The following RNF146 variants were observed in gnomAD, a reference collection of about 807,000 sequenced individuals.
RNF146 encodes the protein ring finger protein 146.
RNF146 carries 11 observed loss-of-function variants against 29.7 expected under a neutral mutation model. That is an observed-to-expected ratio of 0.37 (90% CI 0.23 to 0.61). RNF146 has a LOEUF of 0.61. RNF146 is among the 20% of genes least tolerant of loss of function. The pLI is 0.66. For missense variants in RNF146, 342 were observed against 438.9 expected, an observed-to-expected ratio of 0.78 and a Z score of 1.97; for synonymous variants, 150 against 159.7, an observed-to-expected ratio of 0.94 and a Z score of 0.46.
chr6:127,282,158 G>C (rs981298374), intron 2 of RNF146: 5 of 151,742 alleles, frequency 3.3e-5, no homozygotes, highest in African/African-American at 9.7e-5. Context: ...TTGTCACTTA[G>C]AGTAACTTGC....
At chr6:127,281,993 T>G (rs1354084896) in intron 2 of RNF146, among the ~76,000 whole-genome samples, 1 of 151,550 alleles carries the variant, frequency 6.6e-6, no homozygotes, top group Non-Finnish European at 1.5e-5. Context: ...GAGGGAGAAG[T>G]TTTATGATAG....
intron 1 of RNF146, among the ~76,000 whole-genome samples, chr6:127,278,794 C>T (rs969263624): frequency 6.6e-6 from 1 of 151,988 alleles, no homozygotes; most frequent in Non-Finnish European, 1.5e-5. Flanking sequence ...TATTTTTCTA[C>T]ATCCTCACCA....
intron 1 of RNF146, among the ~76,000 whole-genome samples, chr6:127,268,209 C>T (rs1363027338): frequency 6.6e-6 from 1 of 152,160 alleles, no homozygotes; most frequent in Non-Finnish European, 1.5e-5. Flanking sequence ...ACATCCCCCC[C>T]ACCTCGTGTG....
In RNF146 at chr6:127,287,454, C is replaced by T. The variant is rs775124641; in HGVS notation, c.841C>T (p.Pro281Ser). 58 of 1,613,440 alleles carry T rather than the reference C, an allele frequency of 3.6e-5. No homozygotes were observed. Among genetic ancestry groups the T allele is most frequent in the Non-Finnish European group, 4.9e-5 (58 of 1,179,628 alleles). ...ACCATCTTCAGGCAGGGTACCAGCACCAGACACCTCCATTGAAGAAACTGA... is the reference window on the plus strand; with the variant it reads ...ACCATCTTCAGGCAGGGTACCAGCATCAGACACCTCCATTGAAGAAACTGA... ...ESPSSGRVPA[P>S]DTSIEETESD... is the part of the protein sequence containing the mutation. The change falls in exon 3 of 3, where the codon CCA becomes TCA. Residue 281 changes from proline to serine, a missense_variant. Physicochemically the swap from Pro to Ser is moderately conservative, Grantham distance 74 (BLOSUM62 -1). Coordinates refer to ENST00000368314, the MANE Select transcript of RNF146 (RefSeq NM_001242850.2).
At chr6:127,285,851 TG>T (rs1779444866) in intron 2 of RNF146, among the ~76,000 whole-genome samples, 1 of 152,040 alleles carries the variant, frequency 6.6e-6, no homozygotes, top group South Asian at 2.1e-4. Context: ...ATTATCTGCA[TG>T]TATGTTTCCT....
intron 1 of RNF146, among the ~76,000 whole-genome samples, chr6:127,278,888 C>T (rs1778584570): frequency 6.6e-6 from 1 of 151,924 alleles, no homozygotes; most frequent in South Asian, 2.1e-4. Flanking sequence ...TCCCTAATTA[C>T]TAATAATGTT....
chr6:127,286,060 A>G lies in RNF146; in HGVS notation c.3-556A>G, dbSNP rs985664817. 1.7e-5 allele frequency: 21 copies of G among 1,228,886 alleles called. No individual in the cohort carries two copies. Among genetic ancestry groups the G allele is most frequent in the East Asian group, 9.5e-5 (3 of 31,542 alleles). The allele number at this position is 1,228,886 out of a possible 1,614,324, so 76.1% of individuals were successfully genotyped here. A position where few individuals can be genotyped will look rare whatever the true frequency, so the allele number is the denominator to read the frequency against. On this transcript the variant is annotated intron_variant, in intron 2 of 2. Transcript: ENST00000368314. The surrounding 1 kb of genome is among the most constrained non-coding windows in gnomAD (Gnocchi z 4.6). ...CTTCTTCCTCTTCAGGGGATCTTCA[A>G]TATTCATGTTATTTTCTCCTTTGGT...
rs1778761506 is a variant in RNF146 at position 127,280,302 on chromosome 6, AT to A, written c.-32del. The A allele has an allele frequency of 6.5e-7, 1 of 1,546,722 alleles. No homozygotes were observed. Among genetic ancestry groups the A allele is most frequent in the South Asian group, 1.2e-5 (1 of 83,894 alleles). On this transcript the variant is annotated 5_prime_UTR_variant, in exon 2 of 3. It removes the in-frame stop codon of an upstream open reading frame in the 5' UTR. Transcript: ENST00000368314. ...TGACTGCTGGTGAAGAAAATGCTTT[AT>A]TTTTGTGGCAGGCATCTGTGGGATC... is the stretch of plus-strand genomic sequence containing the variant.
At position 127,275,351 on chromosome 6, in the gene RNF146, C is replaced by G. The variant is rs796081295; in HGVS notation, c.-108-4880C>G. ...AAGTTATATAAAGCAAGGATTAGAA[C>G]TTAGATATTTTTATGTATCTTACAG... On this transcript the variant is annotated intron_variant, in intron 1 of 2. Transcript: ENST00000368314. 6.6e-4 allele frequency among the ~76,000 whole-genome samples: 100 copies of G among 152,184 alleles called. 1 individual carries two copies. The highest frequency in any genetic ancestry group is 2.3e-3 in the African/African-American group (97 of 41,532).
chr6:127,267,411 G>A (rs1055577785), intron 1 of RNF146, among the ~76,000 whole-genome samples: 2 of 152,178 alleles, frequency 1.3e-5, no homozygotes, highest in Non-Finnish European at 2.9e-5. Flanking sequence ...CCTTTACCCG[G>A]GGACCTTCTG....
Position 127,288,056 on chromosome 6 carries a change from A to G in RNF146, c.*363A>G, listed in dbSNP as rs945089400. ...GTCTTATTTTTCTGCATGGATTGGC[A>G]TAAGACCATTACTAAAATTTGGCAC... is the stretch of plus-strand genomic sequence containing the variant. On this transcript the variant is annotated 3_prime_UTR_variant, in exon 3 of 3. Transcript: ENST00000368314. 5.8e-6 allele frequency: 1 copy of G among 173,908 alleles called. No homozygotes were observed. The allele number at this position is 173,908 out of a possible 1,614,324, so 10.8% of individuals were successfully genotyped here.
chr6:127,274,183 G>A (rs1777879349), intron 1 of RNF146, among the ~76,000 whole-genome samples: 2 of 152,008 alleles, frequency 1.3e-5, no homozygotes, highest in South Asian at 4.1e-4. Flanking sequence ...TTTTTTTTTA[G>A]TACCTTTGTT....
chr6:127,278,119 A>G (rs566686136), intron 1 of RNF146, among the ~76,000 whole-genome samples: 1 of 152,160 alleles, frequency 6.6e-6, no homozygotes, highest in African/African-American at 2.4e-5. Context: ...TTCTTTAGTT[A>G]TCATGTGTTC....
Position 127,286,836 on chromosome 6 carries a change from C to T in RNF146, c.223C>T (p.Arg75Ter). 1 of 1,613,078 alleles carries T rather than the reference C, an allele frequency of 6.2e-7. No individual in the cohort carries two copies. Among genetic ancestry groups the T allele is most frequent in the East Asian group, 2.2e-5 (1 of 44,828 alleles). ...SWLGKRCALCRQEIPEDFLDK... is the reference protein window; with the variant it reads ...SWLGKRCALC The stretch of plus-strand genomic sequence containing the variant: ...GCTTGGAAAGCGGTGTGCTCTTTGT[C>T]GACAAGAAATTCCCGAGGATTTCCT... Residue 75 changes from arginine (R) to a stop codon, truncating the protein, a stop_gained, in exon 3 of 3, where the codon CGA becomes TGA. Transcript: ENST00000368314. LOFTEE classifies it high-confidence loss of function. This position sits in a 1 kb window ranked among gnomAD's most constrained non-coding sequence, Gnocchi z 4.6.
At chr6:127,280,132 T>C in intron 1 of RNF146, 99 bp from the exon 2 acceptor site, 1 of 547,866 alleles carries the variant, frequency 1.8e-6, no homozygotes, top group Non-Finnish European at 3.3e-6. Flanking sequence ...CTTTAATTTT[T>C]CCCACTTTTA....
chr6:127,285,823 G>C (rs1779442372), intron 2 of RNF146, among the ~76,000 whole-genome samples: 2 of 151,756 alleles, frequency 1.3e-5, no homozygotes, highest in East Asian at 1.9e-4. Context: ...GATTACGCAG[G>C]AATCAGGCCA....
chr6:127,271,965 G>A lies in RNF146; in HGVS notation c.-109+5040G>A, dbSNP rs1052159507. Among the ~76,000 whole-genome samples, 4 of 152,116 alleles carry A rather than the reference G, an allele frequency of 2.6e-5. No homozygotes were observed. In the South Asian group the frequency reaches 6.2e-4, roughly 24 times the overall value. On this transcript the variant is annotated intron_variant, in intron 1 of 2. Coordinates refer to ENST00000368314, the MANE Select transcript of RNF146 (RefSeq NM_001242850.2). The stretch of plus-strand genomic sequence containing the variant: ...TGCCCTGCCTCTTTTTATTATTAAT[G>A]TGGCTAATAGAAAATTTGAAATTGC...
At chr6:127,274,078 A>C (rs575744438) in intron 1 of RNF146, among the ~76,000 whole-genome samples, 6 of 152,184 alleles carry the variant, frequency 3.9e-5, no homozygotes, top group African/African-American at 1.4e-4. Context: ...GGCTTTTTCA[A>C]ATAATTTTGC....
chr6:127,276,210 A>G (rs1778189532), intron 1 of RNF146, among the ~76,000 whole-genome samples: 1 of 151,996 alleles, frequency 6.6e-6, no homozygotes, highest in African/African-American at 2.4e-5. Context: ...CAAAGGCTTA[A>G]TAAATGAGGG....
Sources: allele counts gnomAD v4.1 joint callset (sites outside exome capture counted in the v4.1 genomes callset), GRCh38; gene constraint gnomAD v4.1.1; non-coding constraint Gnocchi (gnomAD v3.1); transcripts MANE v1.5; gene names NCBI Gene and HGNC (gene_info 2026-07-23, HGNC 2026-07-21).